Variants in DOCK4 observed in about 807,000 individuals in gnomAD.
DOCK4 encodes the protein dedicator of cytokinesis 4, also known as dedicator of cytokinesis protein 4.
A neutral mutation model predicts 268.1 loss-of-function variants in DOCK4; 97 were observed. That is an observed-to-expected ratio of 0.36 (90% CI 0.31 to 0.43). The LOEUF is 0.43. DOCK4 is among the 20% of genes least tolerant of loss of function. The probability of loss-of-function intolerance (pLI) is 1.00; values close to 1 mark genes in which losing one functional copy is unlikely to be tolerated. For missense variants in DOCK4, 2,145 were observed against 2,455.7 expected (o/e 0.87, Z 2.67); for synonymous variants, 954 against 887.2 (o/e 1.08, Z -1.34).
At chr7:112,023,085 G>A (rs183184926) in intron 1 of DOCK4, among the ~76,000 whole-genome samples, 105 of 152,100 alleles carry the variant, frequency 6.9e-4, no homozygotes, top group Admixed American at 2.9e-3. Flanking sequence ...CCGCCACCAC[G>A]CCCAGCTAAT....
At chr7:112,110,485 C>T (rs952905770) in intron 1 of DOCK4, among the ~76,000 whole-genome samples, 2 of 152,188 alleles carry the variant, frequency 1.3e-5, no homozygotes, top group African/African-American at 4.8e-5. Context: ...TGTTATTACC[C>T]CTGCATCAGT....
In DOCK4 at chr7:111,728,455, T is replaced by TCGTAGA. The variant is rs780065463; in HGVS notation, c.5741_5746dup (p.Val1914_Tyr1915dup). 2 of 1,607,692 alleles carry TCGTAGA rather than the reference T, an allele frequency of 1.2e-6. No individual in the cohort carries two copies. The highest frequency in any genetic ancestry group is 4.5e-5 in the East Asian group (2 of 44,850). On this transcript the variant is annotated inframe_insertion, in exon 53 of 53. Transcript: ENST00000428084. ...CGGGACGGGGCGCCGCAGAGTCCGC[T>TCGTAGA]CGTAGACGCTGTACGGGGGCGGAGT...
At chr7:111,926,572 G>C (rs539506863) in intron 12 of DOCK4, among the ~76,000 whole-genome samples, 1 of 131,906 alleles carries the variant, frequency 7.6e-6, no homozygotes, top group African/African-American at 3.1e-5. Flanking sequence ...GAAGCAGGGC[G>C]GGCGGGCAAG....
Position 111,822,398 on chromosome 7 carries a change from G to A in DOCK4, c.2894C>T (p.Pro965Leu), listed in dbSNP as rs758022274. The change falls in exon 27 of 53, where the codon CCA becomes CTA. Residue 965 changes from proline to leucine, a missense_variant. Physicochemically the swap from Pro to Leu is moderately conservative, Grantham distance 98 (BLOSUM62 -3). Transcript: ENST00000428084. ...FRILIRPEMF[P>L]KDWTVMRLVA... The stretch of plus-strand genomic sequence containing the variant: ...CAAGCGCATAACAGTCCAGTCCTTT[G>A]GAAACATCTCCGGGCGTATCAATAT... 1 of 1,613,562 alleles carries A rather than the reference G, an allele frequency of 6.2e-7. No homozygotes were observed. Among genetic ancestry groups the A allele is most frequent in the Non-Finnish European group, 8.5e-7 (1 of 1,179,750 alleles).
intron 12 of DOCK4, among the ~76,000 whole-genome samples, chr7:111,921,079 C>T (rs1190571721): frequency 2.0e-5 from 3 of 151,594 alleles, no homozygotes; most frequent in Non-Finnish European, 4.4e-5. Flanking sequence ...TTTCTTAGAC[C>T]TTAATATAAG....
intron 16 of DOCK4, among the ~76,000 whole-genome samples, chr7:111,890,095 C>A (rs1203453067): frequency 6.6e-6 from 1 of 152,182 alleles, no homozygotes; most frequent in African/African-American, 2.4e-5. Context: ...TGAATGGGGA[C>A]TTGAGCACAT....
chr7:111,870,455 T>G (rs563982947), intron 20 of DOCK4, among the ~76,000 whole-genome samples: 1 of 151,798 alleles, frequency 6.6e-6, no homozygotes, highest in African/African-American at 2.4e-5. Flanking sequence ...CCCAAGCAGC[T>G]GGGATTCAAG....
At chr7:111,949,097 A>G (rs1795854382) in intron 8 of DOCK4, among the ~76,000 whole-genome samples, 1 of 152,166 alleles carries the variant, frequency 6.6e-6, no homozygotes, top group South Asian at 2.1e-4. Flanking sequence ...AGCACAAAAC[A>G]TAAGCAATGT....
intron 23 of DOCK4, among the ~76,000 whole-genome samples, chr7:111,847,485 TC>T (rs887964582): frequency 3.3e-5 from 5 of 150,544 alleles, no homozygotes; most frequent in Admixed American, 6.6e-5. Flanking sequence ...TTTTTTTTTT[TC>T]CCCCTTGATA....
At chr7:111,892,591 A>T (rs924665034) in intron 16 of DOCK4, among the ~76,000 whole-genome samples, 9 of 152,282 alleles carry the variant, frequency 5.9e-5, no homozygotes, top group Non-Finnish European at 2.9e-5. Context: ...CCTAATACCC[A>T]TTTTATTTAT....
At chr7:112,134,437 T>C (rs189996786) in intron 1 of DOCK4, among the ~76,000 whole-genome samples, 185 of 152,326 alleles carry the variant, frequency 1.2e-3, no homozygotes, top group African/African-American at 4.4e-3. Flanking sequence ...GTAAACTTAA[T>C]GGCTGGGCAC....
chr7:111,807,672 C>T (rs1257446788), intron 30 of DOCK4: 1 of 152,166 alleles, frequency 6.6e-6, no homozygotes, highest in Non-Finnish European at 1.5e-5. Context: ...GACAGGGTTT[C>T]ACCATGTTGG....
intron 1 of DOCK4, among the ~76,000 whole-genome samples, chr7:112,167,971 A>G (rs1472957056): frequency 6.6e-6 from 1 of 152,134 alleles, no homozygotes. Flanking sequence ...TACAGTGATG[A>G]TCACAATTAC....
At chr7:112,134,577 T>C (rs2116170558) in intron 1 of DOCK4, among the ~76,000 whole-genome samples, 1 of 151,664 alleles carries the variant, frequency 6.6e-6, no homozygotes, top group South Asian at 2.1e-4. Context: ...AAAAATCAGC[T>C]AGGTGTGGTG....
chr7:111,775,574 C>A (rs1411948502), intron 36 of DOCK4, among the ~76,000 whole-genome samples: 1 of 152,222 alleles, frequency 6.6e-6, no homozygotes, highest in South Asian at 2.1e-4. Flanking sequence ...CCTTCCACAT[C>A]TCCTGGCTTA....
intron 22 of DOCK4, among the ~76,000 whole-genome samples, chr7:111,863,916 T>C (rs1805762612): frequency 6.6e-6 from 1 of 152,168 alleles, no homozygotes; most frequent in Non-Finnish European, 1.5e-5. Context: ...ATTCATTCCT[T>C]TTGGAAGAAG....
At chr7:111,728,752 C>CA (rs1563415383) in intron 52 of DOCK4, 32 bp from the exon 53 acceptor site, 1 of 1,569,922 alleles carries the variant, frequency 6.4e-7, no homozygotes, top group Admixed American at 1.8e-5. Context: ...GAGAGGGAGA[C>CA]ACAGCATTGA....
At chr7:111,856,624 T>C (rs1464866478) in intron 23 of DOCK4, among the ~76,000 whole-genome samples, 1 of 152,196 alleles carries the variant, frequency 6.6e-6, no homozygotes, top group African/African-American at 2.4e-5. Flanking sequence ...TGGAAACTGT[T>C]AAACTTTCAG....
chr7:111,841,969 C>T lies in DOCK4; in HGVS notation c.2736+2794G>A, dbSNP rs1357555933. On this transcript the variant is annotated intron_variant, in intron 25 of 52. Transcript: ENST00000428084. ...TGATCTCAGGCAATCTTTAACTATG[C>T]CCAGCATTTGCTATGACTTTGTTTG... Among the ~76,000 whole-genome samples, 3 of 152,208 alleles carry T rather than the reference C, an allele frequency of 2.0e-5. No homozygotes were observed. The East Asian group carries it at 5.8e-4, about 29-fold the overall frequency.
Sources: gnomAD v4.1 joint callset for allele counts (sites outside exome capture counted in the v4.1 genomes callset) on GRCh38, gnomAD v4.1.1 for gene constraint, MANE v1.5 for transcripts, NCBI Gene and HGNC (gene_info 2026-07-23, HGNC 2026-07-21) for gene names.